ACKR3: variants seen among roughly 807,000 people sequenced by gnomAD.
ACKR3 encodes the protein C-X-C chemokine receptor type 7.
ACKR3 carries 6 observed loss-of-function variants against 22.4 expected under a neutral mutation model. The observed-to-expected ratio is 0.27, with a 90% CI of 0.15 to 0.53. The LOEUF is 0.53. Among genes scored for constraint, ACKR3 ranks in the 20% least tolerant of loss-of-function variants. The probability of loss-of-function intolerance (pLI) is 0.96; values close to 1 mark genes in which losing one functional copy is unlikely to be tolerated. For synonymous variants in ACKR3, 209 were observed against 205.2 expected, an observed-to-expected ratio of 1.02 and a Z score of -0.16; for missense variants, 396 against 475.2, an observed-to-expected ratio of 0.83 and a Z score of 1.55.
In ACKR3 at chr2:236,581,153, G is replaced by A. The variant is rs35095494; in HGVS notation, c.688G>A (p.Val230Ile). The change falls in exon 2 of 2, where the codon GTC becomes ATC. Residue 230 changes from valine (V) to isoleucine (I), a missense_variant. Transcript: ENST00000272928. This position sits in a 1 kb window ranked among gnomAD's most constrained non-coding sequence, Gnocchi z 4.4. Reference protein sequence around the residue: ...GFAVPFSIIAVFYFLLARAIS... With the variant: ...GFAVPFSIIAIFYFLLARAIS... ...TGCCGTTCCCTTCTCCATTATCGCTGTCTTCTACTTCCTGCTGGCCAGAGC... is the reference window on the plus strand; with the variant it reads ...TGCCGTTCCCTTCTCCATTATCGCTATCTTCTACTTCCTGCTGGCCAGAGC... 2.7e-3 allele frequency: 4,410 copies of A among 1,614,116 alleles called. 91 individuals are homozygous for A. The African/African-American group carries it at 0.049, about 18-fold the overall frequency.
At chr2:236,561,328 A>G in the ACKR3 span, among the ~76,000 whole-genome samples, 14 of 152,364 alleles carry the variant, frequency 9.2e-5, no homozygotes, top group Non-Finnish European at 2.9e-5. Flanking sequence ...GTATGGAAAG[A>G]AAATAACAAC....
chr2:236,580,627 C>A lies in ACKR3; in HGVS notation c.162C>A (p.Ile54=), dbSNP rs745557274. 3 of 1,613,678 alleles carry A rather than the reference C, an allele frequency of 1.9e-6. No homozygotes were observed. In the African/African-American group the frequency reaches 4.0e-5, roughly 22 times the overall value. Residue 54 remains isoleucine, a synonymous_variant, in exon 2 of 2, where the codon ATC becomes ATA. Transcript: ENST00000272928. Reference sequence around the variant, plus strand: ...CGCTCTCCTTCATTTACATTTTCATCTTCGTCATCGGCATGATTGCCAACT... The same window carrying A: ...CGCTCTCCTTCATTTACATTTTCATATTCGTCATCGGCATGATTGCCAACT... The part of the protein sequence containing the change: ...LYTLSFIYIF[I]FVIGMIANSV...
the ACKR3 span, among the ~76,000 whole-genome samples, chr2:236,542,647 T>G: frequency 2.0e-5 from 3 of 152,154 alleles, no homozygotes. Flanking sequence ...GTGTCTGCCT[T>G]TGTGCCACTC....
the ACKR3 span, among the ~76,000 whole-genome samples, chr2:236,551,426 C>T: frequency 3.9e-5 from 6 of 152,180 alleles, no homozygotes; most frequent in Admixed American, 1.3e-4. Flanking sequence ...ACTCAGACAG[C>T]ATTTCCCCTT....
the ACKR3 span, among the ~76,000 whole-genome samples, chr2:236,537,638 C>G: frequency 6.6e-6 from 1 of 152,178 alleles, no homozygotes; most frequent in African/African-American, 2.4e-5. Context: ...TTCTGAATGG[C>G]TTAAATCCCA....
At chr2:236,557,044 C>T in the ACKR3 span, among the ~76,000 whole-genome samples, 9 of 152,054 alleles carry the variant, frequency 5.9e-5, no homozygotes, top group African/African-American at 1.2e-4. Context: ...AACAATAAGA[C>T]GCTAATAAAG....
chr2:236,581,391 G>A lies in ACKR3; in HGVS notation c.926G>A (p.Cys309Tyr). The A allele has an allele frequency of 6.2e-7, 1 of 1,614,048 alleles. No homozygotes were observed. The highest frequency in any genetic ancestry group is 1.1e-5 in the South Asian group (1 of 91,074). The part of the protein sequence containing the change: ...VTQCLSLVHC[C>Y]VNPVLYSFIN... Reference sequence around the variant, plus strand: ...CAGTGCCTGTCGCTGGTGCACTGCTGCGTCAACCCTGTCCTCTACAGCTTC... The same window carrying A: ...CAGTGCCTGTCGCTGGTGCACTGCTACGTCAACCCTGTCCTCTACAGCTTC... Residue 309 changes from cysteine (C) to tyrosine (Y), a missense_variant, in exon 2 of 2, where the codon TGC (cysteine) becomes TAC (tyrosine). Transcript: ENST00000272928. This position sits in a 1 kb window ranked among gnomAD's most constrained non-coding sequence, Gnocchi z 4.4.
the ACKR3 span, among the ~76,000 whole-genome samples, chr2:236,543,676 G>A: frequency 1.3e-5 from 2 of 151,788 alleles, no homozygotes; most frequent in South Asian, 2.1e-4. Context: ...AAGTGAAATC[G>A]CACATTTTAA....
intron 1 of ACKR3, among the ~76,000 whole-genome samples, chr2:236,571,886 A>G (rs759477223): frequency 6.6e-6 from 1 of 152,178 alleles, no homozygotes; most frequent in African/African-American, 2.4e-5. Flanking sequence ...ATCTGGGGCC[A>G]GAAGGCATTT....
upstream of ACKR3, among the ~76,000 whole-genome samples, chr2:236,567,236 C>T (rs191216132): frequency 6.6e-6 from 1 of 152,106 alleles, no homozygotes; most frequent in Non-Finnish European, 1.5e-5. Context: ...CCCGACCTCG[C>T]GATCCGCCCG....
rs760655127 is a variant in ACKR3, at chr2:236,580,889, C to T, written c.424C>T (p.Arg142Cys). The change falls in exon 2 of 2, where the codon CGC (arginine) becomes TGC (cysteine). Residue 142 changes from arginine to cysteine, a missense_variant. Transcript: ENST00000272928. Reference sequence around the variant, plus strand: ...CTTCCTCACGTGCATGAGCGTGGACCGCTACCTCTCCATCACCTACTTCAC... The same window carrying T: ...CTTCCTCACGTGCATGAGCGTGGACTGCTACCTCTCCATCACCTACTTCAC... ...IFFLTCMSVDRYLSITYFTNT... is the reference protein window; with the variant it reads ...IFFLTCMSVDCYLSITYFTNT... 13 of 1,614,052 alleles carry T rather than the reference C, an allele frequency of 8.1e-6. No individual in the cohort carries two copies. The highest frequency in any genetic ancestry group is 1.3e-5 in the African/African-American group (1 of 74,894).
Position 236,580,522 on chromosome 2 carries a change from G to T in ACKR3, c.57G>T (p.Trp19Cys), listed in dbSNP as rs1403931004. 2 of 1,614,116 alleles carry T rather than the reference G, an allele frequency of 1.2e-6. No individual in the cohort carries two copies. Among genetic ancestry groups the T allele is most frequent in the African/African-American group, 2.7e-5 (2 of 74,952 alleles). The part of the protein sequence containing the change: ...SEPGNFSDIS[W>C]PCNSSDCIVV... ...CAGGGAACTTCTCGGACATCAGCTG[G>T]CCATGCAACAGCAGCGACTGCATCG... Residue 19 changes from tryptophan to cysteine, a missense_variant, in exon 2 of 2, where the codon TGG becomes TGT. Physicochemically the swap from Trp to Cys is radical, Grantham distance 215. Transcript: ENST00000272928.
chr2:236,538,955 C>G, the ACKR3 span, among the ~76,000 whole-genome samples: 1 of 152,116 alleles, frequency 6.6e-6, no homozygotes, highest in African/African-American at 2.4e-5. Context: ...TGTTGGCTCA[C>G]CTTTCTGGTC....
chr2:236,543,756 A>G, the ACKR3 span, among the ~76,000 whole-genome samples: 1 of 151,918 alleles, frequency 6.6e-6, no homozygotes, highest in Admixed American at 6.6e-5. Context: ...AAGTGACCAG[A>G]ATACTGATGA....
At chr2:236,565,100 G>A (rs1367209979), upstream of ACKR3, among the ~76,000 whole-genome samples, 1 of 152,048 alleles carries the variant, frequency 6.6e-6, no homozygotes, top group South Asian at 2.1e-4. Context: ...TGCTATCACT[G>A]GAATTTGGCT....
At chr2:236,548,099 C>T in the ACKR3 span, among the ~76,000 whole-genome samples, 2 of 152,162 alleles carry the variant, frequency 1.3e-5, no homozygotes, top group East Asian at 3.9e-4. The surrounding 1 kb of genome is among the most constrained non-coding windows in gnomAD (Gnocchi z 4.3). Flanking sequence ...ATGTTTTTTT[C>T]TACATTCTAA....
chr2:236,559,405 T>C, the ACKR3 span, among the ~76,000 whole-genome samples: 2 of 152,206 alleles, frequency 1.3e-5, no homozygotes, highest in African/African-American at 4.8e-5. Context: ...AAAATATTCC[T>C]ATGTATTTCC....
the ACKR3 span, among the ~76,000 whole-genome samples, chr2:236,557,256 A>ATGTGTG: frequency 5.0e-4 from 69 of 138,512 alleles, no homozygotes; most frequent in African/African-American, 2.0e-3. Context: ...ATGTGAACGT[A>ATGTGTG]TGTGTGTGTG....
At chr2:236,565,398 G>A (rs1284563135), upstream of ACKR3, among the ~76,000 whole-genome samples, 1 of 152,112 alleles carries the variant, frequency 6.6e-6, no homozygotes, top group East Asian at 1.9e-4. Flanking sequence ...AAAAGCAGAG[G>A]GTGAAATTCC....
Sources: allele counts gnomAD v4.1 joint callset (sites outside exome capture counted in the v4.1 genomes callset), GRCh38; gene constraint gnomAD v4.1.1; non-coding constraint Gnocchi (gnomAD v3.1); transcripts MANE v1.5; gene names NCBI Gene and HGNC (gene_info 2026-07-23, HGNC 2026-07-21).